Variants in PDE1C observed in about 807,000 individuals in gnomAD.
The protein encoded by PDE1C is phosphodiesterase 1C.
A neutral mutation model predicts 93.1 loss-of-function variants in PDE1C; 62 were observed. That is an observed-to-expected ratio of 0.67 (90% CI 0.54 to 0.82). PDE1C has a LOEUF of 0.82. Among genes scored for constraint, PDE1C ranks in the 40% least tolerant of loss-of-function variants. The probability of loss-of-function intolerance (pLI) is 0.00; values close to 1 mark genes in which losing one functional copy is unlikely to be tolerated. For missense variants in PDE1C, 742 were observed against 884.6 expected, an observed-to-expected ratio of 0.84 and a Z score of 2.04; for synonymous variants, 325 against 310.1, an observed-to-expected ratio of 1.05 and a Z score of -0.50.
intron 1 of PDE1C, among the ~76,000 whole-genome samples, chr7:32,380,404 A>ATTTTTTTTTTTTTTTT (rs55965828): frequency 7.3e-6 from 1 of 137,260 alleles, no homozygotes. Flanking sequence ...TGCCCGGCTA[A>ATTTTTTTTTTTTTTTT]TTTTTTTTTT....
intron 2 of PDE1C, among the ~76,000 whole-genome samples, chr7:31,932,054 A>G (rs1388278439): frequency 6.6e-6 from 1 of 152,218 alleles, no homozygotes; most frequent in East Asian, 1.9e-4. Context: ...TACACCTTAT[A>G]CAAAAATTAA....
chr7:32,418,187 TCC>T (rs1583432647), intron 1 of PDE1C, among the ~76,000 whole-genome samples: 1 of 152,156 alleles, frequency 6.6e-6, no homozygotes, highest in Non-Finnish European at 1.5e-5. Flanking sequence ...ACTATGGTCT[TCC>T]CCACATACTA....
At chr7:31,677,122 A>C in the PDE1C span, among the ~76,000 whole-genome samples, 2 of 152,250 alleles carry the variant, frequency 1.3e-5, no homozygotes, top group Non-Finnish European at 2.9e-5. Flanking sequence ...ATGGAAGTCT[A>C]AACAGGCCAA....
the PDE1C span, among the ~76,000 whole-genome samples, chr7:31,680,852 T>C: frequency 6.6e-6 from 1 of 151,874 alleles, no homozygotes; most frequent in Non-Finnish European, 1.5e-5. Context: ...GGCAAAGAGG[T>C]GGGACAAAGG....
At chr7:32,172,757 G>T (rs1802727658) in intron 2 of PDE1C, among the ~76,000 whole-genome samples, 1 of 150,964 alleles carries the variant, frequency 6.6e-6, no homozygotes, top group African/African-American at 2.4e-5. Flanking sequence ...AGGATGCAGA[G>T]GTTGCAGTGA....
In PDE1C at chr7:32,041,557, T is replaced by C. The variant is rs111489539; in HGVS notation, c.128+9997A>G. 8.5e-5 allele frequency among the ~76,000 whole-genome samples: 13 copies of C among 152,344 alleles called. No individual in the cohort carries two copies. The Middle Eastern group carries it at 0.01, about 120-fold the overall frequency. The stretch of plus-strand genomic sequence containing the variant: ...GAACTTTGAAAAGGCAGTATCGTAT[T>C]AAATCAGAGGATAGAAAAATACAGA... On this transcript the variant is annotated intron_variant, in intron 2 of 17. Transcript: ENST00000396191.
At chr7:32,409,006 G>A (rs1056889167) in intron 1 of PDE1C, among the ~76,000 whole-genome samples, 2 of 152,084 alleles carry the variant, frequency 1.3e-5, no homozygotes, top group Admixed American at 1.3e-4. Flanking sequence ...GGGGTTTTCT[G>A]GCAGAATTAT....
chr7:31,717,567 C>T, the PDE1C span, among the ~76,000 whole-genome samples: 1 of 151,956 alleles, frequency 6.6e-6, no homozygotes, highest in Non-Finnish European at 1.5e-5. Context: ...GAGAATGGGG[C>T]CCCAAGTTGG....
chr7:31,879,047 G>A lies in PDE1C; in HGVS notation c.374C>T (p.Pro125Leu). 6.2e-7 allele frequency: 1 copy of A among 1,614,070 alleles called. No individual in the cohort carries two copies. Among genetic ancestry groups the A allele is most frequent in the Non-Finnish European group, 8.5e-7 (1 of 1,180,004 alleles). Residue 125 changes from proline (P) to leucine (L), a missense_variant, in exon 4 of 18, where the codon CCC becomes CTC. This residue lies in a region of PDE1C where 205 missense variants were observed against 295.3 expected (regional missense o/e 0.69). Transcript: ENST00000396191. ...GMMLRRSDEK[P>L]RFKSIVHAVQ... ...TGCGTGAACGATGCTCTTGAACCGG[G>A]GCTTCTCGTCGCTCCTCCTGAGCAT...
chr7:32,107,725 AAAG>A lies in PDE1C; in HGVS notation c.308+62057_308+62059del, dbSNP rs562011150. On this transcript the variant is annotated intron_variant, in intron 3 of 18. Coordinates refer to the PDE1C transcript ENST00000396193. ...TCTACATAAGGAAAGGAAGAATATT[AAAG>A]AAGAAATAAATGAAGACGAGATAAA... Among the ~76,000 whole-genome samples the A allele has an allele frequency of 1.4e-3, 214 of 152,330 alleles. 1 individual carries two copies. Among genetic ancestry groups the A allele is most frequent in the African/African-American group, 4.8e-3 (199 of 41,574 alleles).
At chr7:31,745,178 G>A in the PDE1C span, among the ~76,000 whole-genome samples, 3 of 152,132 alleles carry the variant, frequency 2.0e-5, no homozygotes, top group South Asian at 6.2e-4. Context: ...GGAACCAATT[G>A]CCTGGCGCTC....
chr7:31,633,911 CTT>C, the PDE1C span, among the ~76,000 whole-genome samples: 2 of 152,222 alleles, frequency 1.3e-5, no homozygotes, highest in African/African-American at 2.4e-5. Context: ...TCCCATGTAA[CTT>C]TCAATTTTAT....
At chr7:31,790,270 G>T (rs764373301) in intron 16 of PDE1C, 1 of 1,607,150 alleles carries the variant, frequency 6.2e-7, no homozygotes. Context: ...CTGAAAAAAA[G>T]AAAAAGAAAA....
At position 31,855,736 on chromosome 7, in the gene PDE1C, A is replaced by T. The variant is rs572160816; in HGVS notation, c.751-4995T>A. 1.5e-3 allele frequency among the ~76,000 whole-genome samples: 220 copies of T among 148,078 alleles called. 1 individual carries two copies. The highest frequency in any genetic ancestry group is 3.5e-3 in the Middle Eastern group (1 of 286). ...TAAAAAATAAAAATAAAAAAATAAAAAATAAATAATAAATAAAAAATAAAT... is the reference window on the plus strand; with the variant it reads ...TAAAAAATAAAAATAAAAAAATAAATAATAAATAATAAATAAAAAATAAAT... On this transcript the variant is annotated intron_variant, in intron 7 of 17. Coordinates refer to ENST00000396191, the MANE Select transcript of PDE1C (RefSeq NM_001191057.4).
the PDE1C span, chr7:31,643,299 C>T: frequency 1.2e-6 from 2 of 1,613,716 alleles, no homozygotes; most frequent in African/African-American, 2.7e-5. Flanking sequence ...CACAGTGTAT[C>T]CCCAAGCACA....
chr7:32,238,847 C>CACCA (rs952482759), intron 1 of PDE1C, among the ~76,000 whole-genome samples: 1 of 152,184 alleles, frequency 6.6e-6, no homozygotes, highest in African/African-American at 2.4e-5. Context: ...TTACATCTTT[C>CACCA]AATTCAGGAA....
rs1783681279 is a variant in PDE1C at position 31,784,212 on chromosome 7, C to T, written c.1892-8480G>A. The T allele has an allele frequency of 1.4e-5, 2 of 141,578 alleles. 1 individual carries two copies. Among genetic ancestry groups the T allele is most frequent in the South Asian group, 4.6e-4 (2 of 4,364 alleles). 8.8% of individuals were successfully genotyped at this position (141,578 alleles called of 1,614,324 possible). ...CCCTCATCAGGAAAGAGCCTACAGA[C>T]TCAAGGTGAGTAGGGTGTCTTTAGG... On this transcript the variant is annotated intron_variant, in intron 16 of 17. Transcript: ENST00000396191.
Position 31,799,062 on chromosome 7 carries a change from C to G in PDE1C, c.1891+9969G>C, listed in dbSNP as rs548434780. 2.2e-4 allele frequency among the ~76,000 whole-genome samples: 33 copies of G among 151,650 alleles called. 1 individual carries two copies. The South Asian group carries it at 6.7e-3, about 31-fold the overall frequency. On this transcript the variant is annotated intron_variant, in intron 16 of 17. Transcript: ENST00000396191. ...GAAAACTGGAATACAGGTGTCCATG[C>G]CAGTAAGAAAACTGATAATGCCCTC... is the stretch of plus-strand genomic sequence containing the variant.
chr7:31,727,659 G>A, the PDE1C span, among the ~76,000 whole-genome samples: 1 of 152,114 alleles, frequency 6.6e-6, no homozygotes, highest in African/African-American at 2.4e-5. Flanking sequence ...TCTAATATCA[G>A]GTTCAAGACA....
Sources: allele counts gnomAD v4.1 joint callset (sites outside exome capture counted in the v4.1 genomes callset), GRCh38; gene constraint gnomAD v4.1.1; regional missense constraint gnomAD v4.1.1; transcripts MANE v1.5; gene names NCBI Gene and HGNC (gene_info 2026-07-23, HGNC 2026-07-21).